The following FARSB variants were observed in gnomAD, a reference collection of about 807,000 sequenced individuals.
FARSB encodes the protein phenylalanine--tRNA ligase beta subunit.
FARSB carries 40 observed loss-of-function variants against 69.6 expected under a neutral mutation model. That is an observed-to-expected ratio of 0.57 (90% CI 0.45 to 0.75). The LOEUF (loss-of-function observed/expected upper bound fraction) is 0.75, where lower values mean the gene tolerates loss of function less well. FARSB is among the 30% of genes least tolerant of loss of function. The pLI is 0.00. For synonymous variants in FARSB, 235 were observed against 247.2 expected (o/e 0.95, Z 0.46); for missense variants, 632 against 722.9 (o/e 0.87, Z 1.44).
In FARSB at chr2:222,570,652, A is replaced by C. The variant is rs1689701030; in HGVS notation, c.*1219T>G. ...ATTTTCCTGACTCAGCCTCCCAGGT[A>C]GCTGGGACTGCAGGCCCACACCACC... On this transcript the variant is annotated 3_prime_UTR_variant, in exon 17 of 17. Coordinates refer to ENST00000281828, the MANE Select transcript of FARSB (RefSeq NM_005687.5). The C allele has an allele frequency of 6.6e-6, 1 of 152,010 alleles. No homozygotes were observed. Among genetic ancestry groups the C allele is most frequent in the East Asian group, 1.9e-4 (1 of 5,198 alleles). 9.4% of individuals were successfully genotyped at this position (152,010 alleles called of 1,614,324 possible).
chr2:222,618,644 T>C (rs1351900375), intron 14 of FARSB, among the ~76,000 whole-genome samples: 4 of 152,178 alleles, frequency 2.6e-5, no homozygotes, highest in Non-Finnish European at 4.4e-5. Flanking sequence ...ATAACACAAA[T>C]CACTTAATAC....
At chr2:222,587,755 T>C (rs949734373) in intron 16 of FARSB, among the ~76,000 whole-genome samples, 12 of 152,108 alleles carry the variant, frequency 7.9e-5, no homozygotes, top group African/African-American at 1.2e-4. Context: ...CTAGAAAATC[T>C]AGAAGAAATG....
At chr2:222,617,878 G>C (rs1233199367) in intron 14 of FARSB, among the ~76,000 whole-genome samples, 1 of 152,130 alleles carries the variant, frequency 6.6e-6, no homozygotes, top group African/African-American at 2.4e-5. Flanking sequence ...GCGAAGCTCT[G>C]TCTCAAAAAA....
intron 13 of FARSB, among the ~76,000 whole-genome samples, chr2:222,622,436 G>A (rs571506685): frequency 3.3e-5 from 5 of 152,294 alleles, no homozygotes; most frequent in African/African-American, 4.8e-5. Flanking sequence ...TCGAAGTGGG[G>A]AAAAGAACTG....
rs183586220 is a variant in FARSB at position 222,618,444 on chromosome 2, A to C, written c.1344+1201T>G. On this transcript the variant is annotated intron_variant, in intron 14 of 16. Transcript: ENST00000281828. ...CTTTAAAATATAACCTTCCAGTTCTAAGATTCCCCTTGATTCTAGAAGAAG... is the reference window on the plus strand; with the variant it reads ...CTTTAAAATATAACCTTCCAGTTCTCAGATTCCCCTTGATTCTAGAAGAAG... Among the ~76,000 whole-genome samples the C allele has an allele frequency of 1.3e-3, 192 of 152,320 alleles. 1 individual carries two copies. The highest frequency in any genetic ancestry group is 4.4e-3 in the African/African-American group (182 of 41,582).
At chr2:222,625,133 T>C (rs1691236795) in intron 10 of FARSB, among the ~76,000 whole-genome samples, 1 of 152,206 alleles carries the variant, frequency 6.6e-6, no homozygotes, top group Non-Finnish European at 1.5e-5. Flanking sequence ...TCTCGTCCTA[T>C]GCAAGCAGAT....
chr2:222,576,195 C>T (rs549390212), intron 16 of FARSB, among the ~76,000 whole-genome samples: 15 of 152,080 alleles, frequency 9.9e-5, no homozygotes, highest in South Asian at 2.1e-4. Context: ...TGGCTATATT[C>T]GACTCAATCA....
At chr2:222,619,786 G>A (rs1268679349) in intron 13 of FARSB, 49 bp from the exon 14 acceptor site, 9 of 1,026,774 alleles carry the variant, frequency 8.8e-6, no homozygotes, top group Admixed American at 1.8e-5. Flanking sequence ...AATTACTTAA[G>A]TTTAAAATAA....
intron 15 of FARSB, among the ~76,000 whole-genome samples, chr2:222,605,766 TA>T (rs993810657): frequency 5.3e-5 from 8 of 151,858 alleles, no homozygotes; most frequent in African/African-American, 1.9e-4. Flanking sequence ...ATAAATTATT[TA>T]AAAAAATGTA....
chr2:222,588,172 T>G (rs1251019660), intron 16 of FARSB, among the ~76,000 whole-genome samples: 3 of 152,062 alleles, frequency 2.0e-5, no homozygotes, highest in East Asian at 3.9e-4. Context: ...ATGATCAAGT[T>G]GGCTTCATCC....
chr2:222,605,016 A>G (rs1574926988), intron 15 of FARSB, among the ~76,000 whole-genome samples: 2 of 152,210 alleles, frequency 1.3e-5, no homozygotes, highest in Admixed American at 1.3e-4. Flanking sequence ...TGTCACCTCC[A>G]TCATTTCCAT....
At chr2:222,582,581 T>C (rs1006641218) in intron 16 of FARSB, among the ~76,000 whole-genome samples, 1 of 152,216 alleles carries the variant, frequency 6.6e-6, no homozygotes, top group Non-Finnish European at 1.5e-5. Context: ...TAATAGTATT[T>C]TTATTTTGAA....
chr2:222,629,011 C>T (rs990688888), intron 9 of FARSB, 123 bp from the exon 10 acceptor site: 7 of 699,684 alleles, frequency 1.0e-5, no homozygotes, highest in African/African-American at 1.8e-5. Flanking sequence ...CTCCATCTAT[C>T]GCATTCCAGC....
At chr2:222,600,573 C>T (rs1690533110) in intron 15 of FARSB, among the ~76,000 whole-genome samples, 1 of 152,096 alleles carries the variant, frequency 6.6e-6, no homozygotes, top group African/African-American at 2.4e-5. Context: ...GGATACTAAG[C>T]GGCTATTAGA....
At chr2:222,589,611 C>G (rs975587089) in intron 16 of FARSB, among the ~76,000 whole-genome samples, 2 of 151,638 alleles carry the variant, frequency 1.3e-5, no homozygotes, top group African/African-American at 4.9e-5. Flanking sequence ...TGCAATCTAC[C>G]CATCTGACAA....
intron 2 of FARSB, among the ~76,000 whole-genome samples, chr2:222,645,386 C>T (rs1691823310): frequency 6.6e-6 from 1 of 152,186 alleles, no homozygotes; most frequent in African/African-American, 2.4e-5. Flanking sequence ...ACAGAAATCT[C>T]AGCCAATTTC....
At chr2:222,614,144 CA>C (rs1690937695) in intron 14 of FARSB, among the ~76,000 whole-genome samples, 1 of 152,088 alleles carries the variant, frequency 6.6e-6, no homozygotes, top group Non-Finnish European at 1.5e-5. Context: ...TCCAAATTTA[CA>C]AAATGAAAAA....
intron 15 of FARSB, among the ~76,000 whole-genome samples, chr2:222,606,004 T>C (rs565471060): frequency 2.0e-5 from 3 of 152,336 alleles, no homozygotes; most frequent in African/African-American, 7.2e-5. Flanking sequence ...GTTTATAGCA[T>C]ACACATACAA....
At chr2:222,624,676 A>T in intron 11 of FARSB, 38 bp downstream of exon 11, 1 of 1,407,190 alleles carries the variant, frequency 7.1e-7, no homozygotes, top group Non-Finnish European at 9.9e-7. Flanking sequence ...TCATACGTGT[A>T]CTTTGTTCTT....
Sources: gnomAD v4.1 joint callset for allele counts (sites outside exome capture counted in the v4.1 genomes callset) on GRCh38, gnomAD v4.1.1 for gene constraint, MANE v1.5 for transcripts, NCBI Gene and HGNC (gene_info 2026-07-23, HGNC 2026-07-21) for gene names.